GPR141: variants seen among roughly 807,000 people sequenced by gnomAD.
GPR141 encodes the protein G protein-coupled receptor 141.
In GPR141, 6 loss-of-function variants were observed where a neutral mutation model predicts 6.8. The ratio of observed to expected loss-of-function variants is 0.88; its 90% CI spans 0.48 to 1.74. GPR141 has a LOEUF of 1.74. Ranked by LOEUF, GPR141 falls within the 40% of genes most tolerant of loss-of-function variation. The pLI is 0.01. For missense variants in GPR141, 372 were observed against 372.9 expected, an observed-to-expected ratio of 1.00 and a Z score of 0.02; for synonymous variants, 140 against 142.3, an observed-to-expected ratio of 0.98 and a Z score of 0.11.
Position 37,715,436 on chromosome 7 carries a change from G to C in GPR141, c.-14-24944G>C, listed in dbSNP as rs144528740. Among the ~76,000 whole-genome samples the C allele has an allele frequency of 5.7e-3, 862 of 152,140 alleles. 8 individuals carry two copies. Among genetic ancestry groups the C allele is most frequent in the African/African-American group, 0.02 (824 of 41,480 alleles). On this transcript the variant is annotated intron_variant, in intron 2 of 2. Coordinates refer to ENST00000334425, the MANE Select transcript of GPR141 (RefSeq NM_001381946.1). The stretch of plus-strand genomic sequence containing the variant: ...CCCAGTCTATTTTCTCCTTTAAATA[G>C]TGTTTTTTTTCCTCCTTTAAAAAAA...
In GPR141 at chr7:37,733,612, C is replaced by T. The variant is rs150919637; in HGVS notation, c.-14-6768C>T. ...ACTTGAAGCCGGGAGGCGGAGGTTG[C>T]GGTGAGCCGAGATCCCAGCACTGCA... On this transcript the variant is annotated intron_variant, in intron 2 of 2. Transcript: ENST00000334425. Among the ~76,000 whole-genome samples the T allele has an allele frequency of 1.7e-3, 237 of 141,994 alleles. 3 individuals carry two copies. In the East Asian group the frequency reaches 0.03, roughly 18 times the overall value. The allele number at this position is 141,994 out of a possible 152,430, so 93.2% of individuals were successfully genotyped here.
At chr7:37,691,914 C>G (rs1399039371) in intron 2 of GPR141, among the ~76,000 whole-genome samples, 1 of 151,964 alleles carries the variant, frequency 6.6e-6, no homozygotes, top group Non-Finnish European at 1.5e-5. Context: ...TTTAGAGTGA[C>G]TTTATACTTT....
chr7:37,705,425 G>GT (rs1339046067), intron 2 of GPR141, among the ~76,000 whole-genome samples: 1 of 152,132 alleles, frequency 6.6e-6, no homozygotes, highest in Non-Finnish European at 1.5e-5. Context: ...TATAACCTCA[G>GT]TAGAGAAAGG....
chr7:37,726,690 A>T (rs781459558), intron 2 of GPR141, among the ~76,000 whole-genome samples: 7 of 152,324 alleles, frequency 4.6e-5, no homozygotes, highest in South Asian at 2.1e-4. Context: ...TCCTTATAGT[A>T]TGTGGTGTAT....
At chr7:37,720,333 C>CT (rs1290424818) in intron 2 of GPR141, among the ~76,000 whole-genome samples, 3 of 152,240 alleles carry the variant, frequency 2.0e-5, no homozygotes, top group African/African-American at 7.2e-5. Context: ...CATGGCCCAC[C>CT]TTGGGCTAGG....
intron 2 of GPR141, among the ~76,000 whole-genome samples, chr7:37,709,278 A>G (rs1810680536): frequency 6.6e-6 from 1 of 152,220 alleles, no homozygotes; most frequent in African/African-American, 2.4e-5. Flanking sequence ...ATTATTTGGT[A>G]AAGATCATAG....
chr7:37,739,318 C>T (rs1357348348), intron 2 of GPR141, among the ~76,000 whole-genome samples: 1 of 152,182 alleles, frequency 6.6e-6, no homozygotes, highest in African/African-American at 2.4e-5. Context: ...TCTAATAACA[C>T]AATTGTTCAA....
At chr7:37,695,539 C>T (rs1452169035) in intron 2 of GPR141, among the ~76,000 whole-genome samples, 17 of 152,214 alleles carry the variant, frequency 1.1e-4, no homozygotes, top group Non-Finnish European at 5.9e-5. Flanking sequence ...TTCCTCCTGG[C>T]TCCCAGCTGA....
intron 2 of GPR141, among the ~76,000 whole-genome samples, chr7:37,702,971 T>A (rs1810359302): frequency 6.6e-6 from 1 of 151,972 alleles, no homozygotes; most frequent in African/African-American, 2.4e-5. Flanking sequence ...TGTTTTGAGG[T>A]AACATTTCTT....
intron 1 of GPR141, among the ~76,000 whole-genome samples, chr7:37,684,616 A>AT (rs1245690951): frequency 1.3e-5 from 2 of 152,260 alleles, no homozygotes; most frequent in Non-Finnish European, 2.9e-5. Flanking sequence ...GGAATGAAAT[A>AT]TAATGCAAAG....
At chr7:37,737,787 C>G (rs1007930143) in intron 2 of GPR141, among the ~76,000 whole-genome samples, 1 of 152,120 alleles carries the variant, frequency 6.6e-6, no homozygotes, top group Admixed American at 6.6e-5. Flanking sequence ...AACTAAGGCA[C>G]ATACAAGCAC....
chr7:37,740,545 C>A lies in GPR141; in HGVS notation c.152C>A (p.Thr51Asn), dbSNP rs760399282. ...LLVKMNTRSV[T>N]TMAVINLVVV... ...GTGAAAATGAACACCCGGTCAGTGA[C>A]CACCATGGCGGTCATTAACTTGGTG... is the stretch of plus-strand genomic sequence containing the variant. Residue 51 changes from threonine (T) to asparagine (N), a missense_variant, in exon 3 of 3, where the codon ACC becomes AAC. Physicochemically the swap from Thr to Asn is moderately conservative, Grantham distance 65. Coordinates refer to ENST00000334425, the MANE Select transcript of GPR141 (RefSeq NM_001381946.1). The A allele has an allele frequency of 4.3e-6, 7 of 1,614,014 alleles. No homozygotes were observed. Among genetic ancestry groups the A allele is most frequent in the South Asian group, 1.1e-5 (1 of 91,084 alleles).
intron 2 of GPR141, among the ~76,000 whole-genome samples, chr7:37,722,964 TTCCTTCCTTCCTTCC>T (rs1365351810): frequency 6.8e-6 from 1 of 146,730 alleles, no homozygotes. Context: ...CCTTCCTTCC[TTCCTTCCTTCCTTCC>T]TTCTTTCTTT....
At chr7:37,704,089 A>G (rs184949455) in intron 2 of GPR141, among the ~76,000 whole-genome samples, 14 of 152,286 alleles carry the variant, frequency 9.2e-5, no homozygotes, top group Admixed American at 7.2e-4. Flanking sequence ...TTTGAGACCC[A>G]CTGATAGTAT....
chr7:37,718,982 G>A (rs1382504476), intron 2 of GPR141, among the ~76,000 whole-genome samples: 4 of 152,184 alleles, frequency 2.6e-5, no homozygotes, highest in Non-Finnish European at 4.4e-5. Flanking sequence ...TGGGGGATAG[G>A]GTTGGAGGGC....
chr7:37,689,176 A>T (rs180956894), intron 2 of GPR141, among the ~76,000 whole-genome samples: 2 of 151,934 alleles, frequency 1.3e-5, no homozygotes, highest in East Asian at 3.9e-4. Flanking sequence ...CATTCTATTG[A>T]TGTGATATGT....
intron 2 of GPR141, among the ~76,000 whole-genome samples, chr7:37,703,996 T>G (rs193150198): frequency 4.4e-4 from 67 of 152,346 alleles, no homozygotes; most frequent in African/African-American, 1.4e-3. Flanking sequence ...ACGTTTGCAT[T>G]GGCATTTGCT....
At chr7:37,735,858 T>C (rs1191344978) in intron 2 of GPR141, among the ~76,000 whole-genome samples, 1 of 152,194 alleles carries the variant, frequency 6.6e-6, no homozygotes, top group African/African-American at 2.4e-5. Context: ...AAGTAGAATG[T>C]GTAAGACCGA....
rs777839016 is a variant in GPR141 at position 37,742,837 on chromosome 7, C to G, written c.*1526C>G. 2.0e-5 allele frequency among the ~76,000 whole-genome samples: 3 copies of G among 152,060 alleles called. No homozygotes were observed. Among genetic ancestry groups the G allele is most frequent in the Non-Finnish European group, 4.4e-5 (3 of 68,008 alleles). On this transcript the variant is annotated 3_prime_UTR_variant, in exon 3 of 3. Transcript: ENST00000334425. ...CTATGTAACAAACCTGCACATGTACCCCTGAACTTAAAATAAAATTTAAAG... is the reference window on the plus strand; with the variant it reads ...CTATGTAACAAACCTGCACATGTACGCCTGAACTTAAAATAAAATTTAAAG...
Sources: gnomAD v4.1 joint callset for allele counts (sites outside exome capture counted in the v4.1 genomes callset) on GRCh38, gnomAD v4.1.1 for gene constraint, MANE v1.5 for transcripts, NCBI Gene and HGNC (gene_info 2026-07-23, HGNC 2026-07-21) for gene names.